NAV2: variants seen among roughly 807,000 people sequenced by gnomAD.
NAV2 encodes the protein neuron navigator 2.
A neutral mutation model predicts 223.2 loss-of-function variants in NAV2; 54 were observed. The ratio of observed to expected loss-of-function variants is 0.24; its 90% CI spans 0.19 to 0.30. The LOEUF (loss-of-function observed/expected upper bound fraction) is 0.30. Ranked by LOEUF, NAV2 falls within the 10% of genes least tolerant of loss-of-function variation. The pLI, the probability that NAV2 is intolerant of heterozygous loss-of-function variation, is 1.00. For synonymous variants in NAV2, 1,279 were observed against 1,239.3 expected (o/e 1.03, Z -0.67); for missense variants, 2,806 against 3,147.5 (o/e 0.89, Z 2.60).
chr11:19,516,548 G>A (rs1409656460), intron 1 of NAV2, among the ~76,000 whole-genome samples: 1 of 152,220 alleles, frequency 6.6e-6, no homozygotes, highest in Non-Finnish European at 1.5e-5. Context: ...CAAGCAAAAT[G>A]AGCCATGTCT....
intron 1 of NAV2, among the ~76,000 whole-genome samples, chr11:19,612,916 A>T (rs760739332): frequency 6.6e-6 from 1 of 152,262 alleles, no homozygotes; most frequent in African/African-American, 2.4e-5. Flanking sequence ...GCTGATAAAG[A>T]CATACCTGAA....
At position 20,062,374 on chromosome 11, in the gene NAV2, A is replaced by G. The variant is rs370854553; in HGVS notation, c.4884+15A>G. The G allele has an allele frequency of 6.3e-7, 1 of 1,599,544 alleles. No individual in the cohort carries two copies. Among genetic ancestry groups the G allele is most frequent in the South Asian group, 1.1e-5 (1 of 89,404 alleles). On this transcript the variant is annotated intron_variant, in intron 20 of 37. Transcript: ENST00000349880. ...TTTATTCTACAGTGAGTATAAATCA[A>G]TGCTGTGTGGCTGTGATCATGAGAA...
At position 20,048,897 on chromosome 11, in the gene NAV2, A is replaced by C. The variant is rs751730155; in HGVS notation, c.4072A>C (p.Lys1358Gln). 6.2e-7 allele frequency: 1 copy of C among 1,614,170 alleles called. No homozygotes were observed. The highest frequency in any genetic ancestry group is 8.5e-7 in the Non-Finnish European group (1 of 1,180,034). Residue 1358 changes from lysine to glutamine, a missense_variant, in exon 15 of 38, where the codon AAG (lysine) becomes CAG (glutamine). Transcript: ENST00000349880. ...SSGSSSPLYS[K>Q]NVDLNQSPLA... ...TGGGAGCAGCAGTCCTCTCTACAGCAAGAATGTGGACCTCAACCAGTCTCC... is the reference window on the plus strand; with the variant it reads ...TGGGAGCAGCAGTCCTCTCTACAGCCAGAATGTGGACCTCAACCAGTCTCC...
intron 1 of NAV2, among the ~76,000 whole-genome samples, chr11:19,735,762 T>C (rs1178965897): frequency 1.3e-5 from 2 of 152,206 alleles, no homozygotes; most frequent in African/African-American, 2.4e-5. Flanking sequence ...TGGGTGCTTT[T>C]TCAAGGGAGC....
rs576850653 is a variant in NAV2 at position 19,448,586 on chromosome 11, G to A, written c.75+97559G>A. Among the ~76,000 whole-genome samples, 141 of 152,260 alleles carry A rather than the reference G, an allele frequency of 9.3e-4. 1 individual carries two copies. Among genetic ancestry groups the A allele is most frequent in the African/African-American group, 3.2e-3 (134 of 41,546 alleles). ...TGGGGAGACCATTTGCTATTTAGTC[G>A]GACATTTTGTTTTACGAGGTCTGGG... On this transcript the variant is annotated intron_variant, in intron 1 of 37. Coordinates refer to the NAV2 transcript ENST00000360655.
intron 1 of NAV2, among the ~76,000 whole-genome samples, chr11:19,577,069 A>G (rs150968510): frequency 5.1e-4 from 77 of 152,354 alleles, no homozygotes; most frequent in Non-Finnish European, 9.8e-4. Context: ...AAAGCCCTCA[A>G]TCCATGTTTG....
At chr11:19,759,166 T>C (rs980251015) in intron 1 of NAV2, among the ~76,000 whole-genome samples, 4 of 136,146 alleles carry the variant, frequency 2.9e-5, no homozygotes, top group Non-Finnish European at 4.6e-5. Flanking sequence ...CACTGCAAGC[T>C]CCGCCTCCCG....
chr11:19,585,631 C>G (rs2045871005), intron 1 of NAV2, among the ~76,000 whole-genome samples: 2 of 152,156 alleles, frequency 1.3e-5, no homozygotes, highest in Non-Finnish European at 2.9e-5. Context: ...TTCTCCTTCA[C>G]TTATGAAGCT....
At chr11:19,406,224 A>G (rs1849890372) in intron 1 of NAV2, among the ~76,000 whole-genome samples, 1 of 151,980 alleles carries the variant, frequency 6.6e-6, no homozygotes. Context: ...CACACTGTGG[A>G]CTCATCCTGA....
chr11:19,596,462 CCT>C (rs1298617745), intron 1 of NAV2, among the ~76,000 whole-genome samples: 12 of 152,182 alleles, frequency 7.9e-5, no homozygotes. Context: ...ATTTCCTTCC[CCT>C]GAGTCTCTCT....
chr11:19,508,142 T>A (rs1213507779), intron 1 of NAV2, among the ~76,000 whole-genome samples: 1 of 152,074 alleles, frequency 6.6e-6, no homozygotes, highest in East Asian at 1.9e-4. Context: ...CACATGCTGA[T>A]GGGGGCTGCT....
At chr11:19,503,073 G>A (rs995463323) in intron 1 of NAV2, 1 of 152,192 alleles carries the variant, frequency 6.6e-6, no homozygotes, top group African/African-American at 2.4e-5. Context: ...TGGACACAAA[G>A]TACTGTGTAA....
chr11:19,766,595 T>G (rs1257985040), intron 1 of NAV2, among the ~76,000 whole-genome samples: 1 of 152,132 alleles, frequency 6.6e-6, no homozygotes, highest in Non-Finnish European at 1.5e-5. Context: ...TTGGTGTGGA[T>G]GGGGGCTGGA....
At position 19,485,675 on chromosome 11, in the gene NAV2, T is replaced by G. The variant is rs146205131; in HGVS notation, c.75+134648T>G. ...ATTTTCTTCCCATGGAAAAGATTCT[T>G]GAAAGGACAGTAAGAGGTAGGATGA... On this transcript the variant is annotated intron_variant, in intron 1 of 37. Coordinates refer to the NAV2 transcript ENST00000360655. Among the ~76,000 whole-genome samples, 623 of 152,276 alleles carry G rather than the reference T, an allele frequency of 4.1e-3. 3 individuals are homozygous for G. Among genetic ancestry groups the G allele is most frequent in the African/African-American group, 0.014 (577 of 41,550 alleles).
chr11:19,560,531 C>G (rs371801547), intron 1 of NAV2, among the ~76,000 whole-genome samples: 3 of 152,144 alleles, frequency 2.0e-5, no homozygotes, highest in East Asian at 3.8e-4. Flanking sequence ...CTGTAAAAGC[C>G]CTGATGTGGA....
intron 1 of NAV2, among the ~76,000 whole-genome samples, chr11:19,825,833 TG>T (rs893578247): frequency 1.3e-5 from 2 of 152,262 alleles, no homozygotes; most frequent in African/African-American, 4.8e-5. Flanking sequence ...TGGAATGATG[TG>T]GAGTTATAAG....
At chr11:19,844,531 C>T (rs761272896) in intron 3 of NAV2, among the ~76,000 whole-genome samples, 4 of 152,182 alleles carry the variant, frequency 2.6e-5, no homozygotes, top group Admixed American at 6.5e-5. Context: ...CTTACAGCAT[C>T]CCAAATCTGA....
chr11:19,824,918 A>T (rs1246778167), intron 1 of NAV2, among the ~76,000 whole-genome samples: 2 of 152,196 alleles, frequency 1.3e-5, no homozygotes, highest in Non-Finnish European at 2.9e-5. Context: ...TGAACACTCT[A>T]CTATTGTTGC....
chr11:19,419,115 G>C (rs2702740), intron 1 of NAV2, among the ~76,000 whole-genome samples: 106,179 of 151,960 alleles, frequency 0.7, 37,165 homozygotes, highest in Admixed American at 0.73. Context: ...AGTGGCACTG[G>C]GGGGCTGGCA....
Sources: allele counts gnomAD v4.1 joint callset (sites outside exome capture counted in the v4.1 genomes callset), GRCh38; gene constraint gnomAD v4.1.1; transcripts MANE v1.5; gene names NCBI Gene and HGNC (gene_info 2026-07-23, HGNC 2026-07-21).